DEPTOR: variants seen among roughly 807,000 people sequenced by gnomAD.
The protein encoded by DEPTOR is DEP domain containing MTOR interacting protein, also known as DEP domain-containing mTOR-interacting protein.
A neutral mutation model predicts 41.6 loss-of-function variants in DEPTOR; 41 were observed. The observed-to-expected ratio is 0.98, with a 90% CI of 0.77 to 1.28. The LOEUF is 1.28. Ranked by LOEUF, DEPTOR falls within the 50% of genes most tolerant of loss-of-function variation. DEPTOR has a pLI of 0.00. For synonymous variants in DEPTOR, 195 were observed against 192.3 expected, an observed-to-expected ratio of 1.01 and a Z score of -0.12; for missense variants, 514 against 527.9, an observed-to-expected ratio of 0.97 and a Z score of 0.26.
intron 1 of DEPTOR, among the ~76,000 whole-genome samples, chr8:119,920,205 A>T (rs1827871950): frequency 6.6e-6 from 1 of 152,176 alleles, no homozygotes; most frequent in Non-Finnish European, 1.5e-5. Flanking sequence ...TGTTGCTCAG[A>T]AAACTATTCT....
intron 4 of DEPTOR, among the ~76,000 whole-genome samples, chr8:119,987,286 C>T (rs964193013): frequency 1.3e-5 from 2 of 152,134 alleles, no homozygotes; most frequent in Non-Finnish European, 2.9e-5. Context: ...AAGTCAGACC[C>T]CTTTGCTGTA....
chr8:119,960,786 C>A (rs924920902), intron 3 of DEPTOR, among the ~76,000 whole-genome samples: 4 of 152,092 alleles, frequency 2.6e-5, no homozygotes, highest in Non-Finnish European at 1.5e-5. Flanking sequence ...GAGTTTAAGA[C>A]CAGCCTGGCC....
At chr8:119,975,602 A>T (rs1828686988) in intron 4 of DEPTOR, among the ~76,000 whole-genome samples, 1 of 152,112 alleles carries the variant, frequency 6.6e-6, no homozygotes, top group Non-Finnish European at 1.5e-5. Flanking sequence ...AACAAACTTG[A>T]TTGGGTATCA....
At chr8:119,996,877 A>T (rs1041256046) in intron 4 of DEPTOR, among the ~76,000 whole-genome samples, 4 of 152,192 alleles carry the variant, frequency 2.6e-5, no homozygotes, top group African/African-American at 9.6e-5. Context: ...AGGATTTTTT[A>T]AAAATCTCAA....
At chr8:120,030,503 T>TG (rs1284124279) in intron 8 of DEPTOR, among the ~76,000 whole-genome samples, 2,091 of 114,176 alleles carry the variant, frequency 0.018, 98 homozygotes, top group African/African-American at 0.063. Flanking sequence ...ATCAGTTTTT[T>TG]TTTTTTTTTT....
chr8:119,973,008 T>C (rs1814954), intron 4 of DEPTOR, among the ~76,000 whole-genome samples: 112,242 of 151,158 alleles, frequency 0.74, 41,825 homozygotes, highest in Middle Eastern at 0.86. Context: ...GGTGTGATCT[T>C]GGCTTACCAC....
chr8:119,878,089 T>C (rs1406448690), intron 1 of DEPTOR, among the ~76,000 whole-genome samples: 1 of 152,070 alleles, frequency 6.6e-6, no homozygotes, highest in Non-Finnish European at 1.5e-5. Context: ...CCCTATTTTC[T>C]ATTTTTTAAA....
chr8:119,908,528 T>C (rs1176076629), intron 1 of DEPTOR, among the ~76,000 whole-genome samples: 3 of 152,160 alleles, frequency 2.0e-5, no homozygotes, highest in East Asian at 3.8e-4. Context: ...GTGGAGGAGA[T>C]GATGGGAATC....
intron 3 of DEPTOR, among the ~76,000 whole-genome samples, chr8:119,936,497 T>C (rs1258417965): frequency 6.6e-6 from 1 of 152,222 alleles, no homozygotes; most frequent in Non-Finnish European, 1.5e-5. Context: ...TGTTTGATCC[T>C]CTGTACAACT....
intron 8 of DEPTOR, among the ~76,000 whole-genome samples, chr8:120,015,463 G>T (rs1429939420): frequency 2.6e-5 from 4 of 152,184 alleles, no homozygotes; most frequent in African/African-American, 9.6e-5. Context: ...CAAGATGAAG[G>T]TGCTGGCAGG....
chr8:119,943,849 A>T (rs989685296), intron 3 of DEPTOR, among the ~76,000 whole-genome samples: 5 of 151,916 alleles, frequency 3.3e-5, no homozygotes, highest in South Asian at 4.2e-4. Flanking sequence ...TATTATTATT[A>T]TTTTTTGAGA....
intron 3 of DEPTOR, among the ~76,000 whole-genome samples, chr8:119,933,217 T>C (rs1828067778): frequency 6.6e-6 from 1 of 152,010 alleles, no homozygotes; most frequent in Admixed American, 6.6e-5. Context: ...AAGTAATATG[T>C]GGTGGCTCAT....
chr8:119,953,581 ACT>A (rs902087765), intron 3 of DEPTOR, among the ~76,000 whole-genome samples: 67 of 146,088 alleles, frequency 4.6e-4, no homozygotes, highest in African/African-American at 1.6e-3. Context: ...ACAGAGCAAG[ACT>A]CTGTCTCAAA....
At chr8:119,939,791 T>TAAAC (rs1008071024) in intron 3 of DEPTOR, among the ~76,000 whole-genome samples, 6 of 152,178 alleles carry the variant, frequency 3.9e-5, no homozygotes, top group Admixed American at 6.5e-5. Context: ...GCTATTATTT[T>TAAAC]AAACAAACAA....
chr8:119,960,041 A>G (rs1249255163), intron 3 of DEPTOR, among the ~76,000 whole-genome samples: 1 of 151,996 alleles, frequency 6.6e-6, no homozygotes, highest in Non-Finnish European at 1.5e-5. Flanking sequence ...CAGCCTAGCC[A>G]ACATGGTGAA....
chr8:119,880,475 C>G (rs1194023953), intron 1 of DEPTOR, among the ~76,000 whole-genome samples: 1 of 152,108 alleles, frequency 6.6e-6, no homozygotes, highest in Non-Finnish European at 1.5e-5. Context: ...CTATGATAAG[C>G]TACAATACTG....
chr8:119,890,247 G>A (rs879888680), intron 1 of DEPTOR, among the ~76,000 whole-genome samples: 3 of 151,800 alleles, frequency 2.0e-5, no homozygotes, highest in Non-Finnish European at 2.9e-5. Context: ...GAGCCATCAC[G>A]CCTGGCAAGG....
intron 1 of DEPTOR, among the ~76,000 whole-genome samples, chr8:119,890,273 G>C (rs76055839): frequency 0.049 from 4,709 of 96,882 alleles, 259 homozygotes; most frequent in African/African-American, 0.18. Flanking sequence ...ATTGTTATAT[G>C]AGTTTTTTTG....
intron 4 of DEPTOR, among the ~76,000 whole-genome samples, chr8:120,000,375 C>T (rs142624024): frequency 6.6e-6 from 1 of 152,290 alleles, no homozygotes; most frequent in African/African-American, 2.4e-5. Flanking sequence ...TTGTTTTGGA[C>T]ATTCCATATG....
Sources: allele counts gnomAD v4.1 joint callset (sites outside exome capture counted in the v4.1 genomes callset), GRCh38; gene constraint gnomAD v4.1.1; transcripts MANE v1.5; gene names NCBI Gene and HGNC (gene_info 2026-07-23, HGNC 2026-07-21).